The following MGLL variants were observed in gnomAD, a reference collection of about 807,000 sequenced individuals.
MGLL encodes monoglyceride lipase, also known as lysophospholipase homolog.
Under a neutral mutation model 29.1 loss-of-function variants are expected in MGLL, and 7 were observed. The observed-to-expected ratio is 0.24, with a 90% CI of 0.14 to 0.45. The LOEUF (loss-of-function observed/expected upper bound fraction) is 0.45, where lower values mean the gene tolerates loss of function less well. MGLL is among the 20% of genes least tolerant of loss of function. MGLL has a pLI of 0.99. For missense variants in MGLL, 356 were observed against 413.6 expected, an observed-to-expected ratio of 0.86 and a Z score of 1.21; for synonymous variants, 148 against 168.3, an observed-to-expected ratio of 0.88 and a Z score of 0.93.
chr3:127,715,542 T>G (rs34920427), intron 5 of MGLL: 12,228 of 381,664 alleles, frequency 0.032, 259 homozygotes, highest in Middle Eastern at 0.074. Flanking sequence ...CCCCTTTCCC[T>G]GCTGCTCTTT....
chr3:127,802,105 C>T (rs1006449805), intron 2 of MGLL, among the ~76,000 whole-genome samples: 6 of 152,142 alleles, frequency 3.9e-5, no homozygotes, highest in African/African-American at 1.4e-4. Flanking sequence ...GAGCATATGC[C>T]AGGCCGGGTT....
At chr3:127,792,597 G>A (rs938555471) in intron 2 of MGLL, among the ~76,000 whole-genome samples, 1 of 152,148 alleles carries the variant, frequency 6.6e-6, no homozygotes, top group Non-Finnish European at 1.5e-5. Context: ...CAGCTGCTCA[G>A]GAGGCTGAGG....
rs911997383 is a variant in MGLL at position 127,699,943 on chromosome 3, G to A, written c.601-4753C>T. ...CCTAATCACAGAGAAATACAACCCA[G>A]CAGGCTTCATCCCTGTAGATCTGTC... is the stretch of plus-strand genomic sequence containing the variant. On this transcript the variant is annotated intron_variant, in intron 6 of 7. Transcript: ENST00000265052. 5.9e-5 allele frequency among the ~76,000 whole-genome samples: 9 copies of A among 152,280 alleles called. No individual in the cohort carries two copies. In the South Asian group the frequency reaches 1.4e-3, roughly 25 times the overall value.
At chr3:127,819,895 G>A (rs2077828327) in intron 2 of MGLL, among the ~76,000 whole-genome samples, 1 of 151,980 alleles carries the variant, frequency 6.6e-6, no homozygotes, top group Admixed American at 6.6e-5. Context: ...GGGTTAACAT[G>A]AGTCATGGCA....
At chr3:127,783,353 T>C (rs1424756700) in intron 2 of MGLL, among the ~76,000 whole-genome samples, 1 of 152,062 alleles carries the variant, frequency 6.6e-6, no homozygotes. Context: ...CCCGGGCCTT[T>C]CTGCTGGGCT....
intron 3 of MGLL, among the ~76,000 whole-genome samples, chr3:127,741,608 C>A (rs757477687): frequency 1.3e-5 from 2 of 152,228 alleles, no homozygotes; most frequent in Non-Finnish European, 2.9e-5. Flanking sequence ...CCAGCAGGAA[C>A]AGCCAGGGAG....
chr3:127,747,719 G>A (rs1441852450), intron 3 of MGLL, among the ~76,000 whole-genome samples: 1 of 152,162 alleles, frequency 6.6e-6, no homozygotes, highest in Non-Finnish European at 1.5e-5. Flanking sequence ...GAAAACCTCA[G>A]GCTCCCTTGA....
intron 3 of MGLL, among the ~76,000 whole-genome samples, chr3:127,722,882 C>T (rs16825943): frequency 0.054 from 8,225 of 152,226 alleles, 632 homozygotes; most frequent in East Asian, 0.33. Flanking sequence ...ACACAGAGAG[C>T]CTCAGCATGC....
At chr3:127,726,184 GAA>G (rs749672396) in intron 3 of MGLL, among the ~76,000 whole-genome samples, 1 of 63,238 alleles carries the variant, frequency 1.6e-5, no homozygotes, top group African/African-American at 5.5e-5. Flanking sequence ...AAGAAAGAAA[GAA>G]AAGAAAAGAA....
chr3:127,820,970 A>C (rs905229363), intron 2 of MGLL, among the ~76,000 whole-genome samples: 1 of 152,370 alleles, frequency 6.6e-6, no homozygotes, highest in Admixed American at 6.5e-5. Context: ...GATCCCTAGG[A>C]GACAAGAGGC....
rs1257529809 is a variant in MGLL, at chr3:127,722,620, A to G, written c.263-54T>C. The G allele has an allele frequency of 1.9e-6, 3 of 1,612,302 alleles. No individual in the cohort carries two copies. In the Admixed American group the frequency reaches 5.0e-5, roughly 27 times the overall value. On this transcript the variant is annotated intron_variant, in intron 3 of 7. Transcript: ENST00000265052. ...CTGCAGTTACCAGGTCGACTCCTAC[A>G]CAAGCCCAGAGTTCTCCTCACTGCA...
At chr3:127,745,173 T>C (rs577351870) in intron 3 of MGLL, among the ~76,000 whole-genome samples, 1 of 152,334 alleles carries the variant, frequency 6.6e-6, no homozygotes, top group African/African-American at 2.4e-5. Flanking sequence ...GGGTATTTAC[T>C]GAGTGGATTG....
intron 6 of MGLL, among the ~76,000 whole-genome samples, chr3:127,705,417 C>T (rs750482262): frequency 6.6e-6 from 1 of 151,442 alleles, no homozygotes; most frequent in Non-Finnish European, 1.5e-5. Context: ...AAAAGAAAAA[C>T]AATAGACAAG....
chr3:127,812,524 G>A (rs1390678135), intron 2 of MGLL, among the ~76,000 whole-genome samples: 1 of 152,198 alleles, frequency 6.6e-6, no homozygotes, highest in Non-Finnish European at 1.5e-5. Context: ...GTGTGGTGAG[G>A]GCAGCAGTCA....
At chr3:127,782,929 C>T (rs1040333503) in intron 2 of MGLL, among the ~76,000 whole-genome samples, 3 of 152,126 alleles carry the variant, frequency 2.0e-5, no homozygotes, top group Non-Finnish European at 2.9e-5. Flanking sequence ...TGGCTCACAC[C>T]TATAATCCCA....
intron 3 of MGLL, among the ~76,000 whole-genome samples, chr3:127,771,962 C>G (rs1342347364): frequency 6.6e-6 from 1 of 152,128 alleles, no homozygotes; most frequent in African/African-American, 2.4e-5. Flanking sequence ...TTTCTCAACA[C>G]AACAGTGGTG....
chr3:127,715,690 G>A (rs1263913838), intron 5 of MGLL: 9 of 456,568 alleles, frequency 2.0e-5, no homozygotes, highest in African/African-American at 1.0e-4. Context: ...CCATTGAGGC[G>A]GCATGACGAG....
intron 3 of MGLL, among the ~76,000 whole-genome samples, chr3:127,758,112 C>T (rs1248131257): frequency 6.6e-6 from 1 of 152,182 alleles, no homozygotes; most frequent in Non-Finnish European, 1.5e-5. Flanking sequence ...CCCTCCTGCC[C>T]CAGGACCTTT....
At chr3:127,749,512 C>T (rs1359068100) in intron 3 of MGLL, among the ~76,000 whole-genome samples, 1 of 152,234 alleles carries the variant, frequency 6.6e-6, no homozygotes, top group South Asian at 2.1e-4. Flanking sequence ...AGCTCTCCCG[C>T]ATTCCACATT....
Sources: gnomAD v4.1 joint callset for allele counts (sites outside exome capture counted in the v4.1 genomes callset) on GRCh38, gnomAD v4.1.1 for gene constraint, MANE v1.5 for transcripts, NCBI Gene and HGNC (gene_info 2026-07-23, HGNC 2026-07-21) for gene names.